Variants in SHTN1 observed in about 807,000 individuals in gnomAD.
SHTN1 encodes shootin-1.
Under a neutral mutation model 83.1 loss-of-function variants are expected in SHTN1, and 42 were observed. The ratio of observed to expected loss-of-function variants is 0.51; its 90% CI spans 0.39 to 0.65. SHTN1 has a LOEUF of 0.65. SHTN1 is among the 30% of genes least tolerant of loss of function. SHTN1 has a pLI of 0.00. For synonymous variants in SHTN1, 224 were observed against 247.7 expected, an observed-to-expected ratio of 0.90 and a Z score of 0.90; for missense variants, 622 against 737.8, an observed-to-expected ratio of 0.84 and a Z score of 1.82.
intron 11 of SHTN1, 69 bp from the exon 12 acceptor site, chr10:116,921,585 C>A: frequency 1.0e-5 from 12 of 1,148,600 alleles, no homozygotes; most frequent in Non-Finnish European, 1.4e-5. Flanking sequence ...CAGTAAAAAT[C>A]TCACTCTTTG....
At chr10:116,991,895 A>G (rs1267851560) in intron 1 of SHTN1, among the ~76,000 whole-genome samples, 1 of 152,188 alleles carries the variant, frequency 6.6e-6, no homozygotes, top group East Asian at 1.9e-4. Context: ...TAATCCCAGC[A>G]CTTTGGGAGG....
intron 1 of SHTN1, among the ~76,000 whole-genome samples, chr10:117,115,245 C>A (rs556829052): frequency 1.8e-4 from 28 of 152,314 alleles, no homozygotes; most frequent in Middle Eastern, 6.8e-3. Flanking sequence ...AGATATTTCT[C>A]TCTCTCTCCT....
chr10:117,014,127 CA>C (rs991799748), intron 2 of SHTN1, among the ~76,000 whole-genome samples: 1 of 151,954 alleles, frequency 6.6e-6, no homozygotes, highest in African/African-American at 2.4e-5. Context: ...TCATGGCTAC[CA>C]GGGGTTGAGG....
chr10:116,979,839 A>G (rs1850950634), intron 1 of SHTN1, among the ~76,000 whole-genome samples: 1 of 152,244 alleles, frequency 6.6e-6, no homozygotes, highest in African/African-American at 2.4e-5. Context: ...TGTAGAAAGT[A>G]GAGTAGGTTT....
At position 116,885,187 on chromosome 10, in the gene SHTN1, C is replaced by T. The variant is rs572717386; in HGVS notation, c.*1157G>A. 3 of 152,688 alleles carry T rather than the reference C, an allele frequency of 2.0e-5. No individual in the cohort carries two copies. The East Asian group carries it at 5.8e-4, about 30-fold the overall frequency. The allele number at this position is 152,688 out of a possible 1,614,324, so 9.5% of individuals were successfully genotyped here. ...TTCTTTTGCCCTTAGGTGAAAAACA[C>T]CTGACAGCTACATGCTGAGCCATGC... On this transcript the variant is annotated 3_prime_UTR_variant, in exon 17 of 17. Coordinates refer to ENST00000355371, the MANE Select transcript of SHTN1 (RefSeq NM_001127211.3).
At chr10:116,940,369 T>C (rs150815773) in intron 9 of SHTN1, 97 bp downstream of exon 9, 28 of 1,258,434 alleles carry the variant, frequency 2.2e-5, no homozygotes, top group Middle Eastern at 4.2e-4. Flanking sequence ...AAACAGTAAA[T>C]GACTGGACTG....
chr10:117,006,389 A>AC (rs1243610304), upstream of SHTN1, among the ~76,000 whole-genome samples: 1 of 151,738 alleles, frequency 6.6e-6, no homozygotes, highest in African/African-American at 2.4e-5. Context: ...ACACGGTGAA[A>AC]CCCCGTCTCT....
chr10:117,058,406 C>A (rs1289606419), intron 1 of SHTN1, among the ~76,000 whole-genome samples: 2 of 151,892 alleles, frequency 1.3e-5, no homozygotes, highest in East Asian at 3.9e-4. Context: ...TACAAATTGC[C>A]AATAAACACA....
chr10:116,939,444 C>G (rs560251953), intron 9 of SHTN1, among the ~76,000 whole-genome samples: 27 of 152,304 alleles, frequency 1.8e-4, no homozygotes, highest in African/African-American at 6.5e-4. Flanking sequence ...CCTGCACTTC[C>G]CGGGTGAGGC....
chr10:116,883,919 G>GA lies in SHTN1; in HGVS notation c.*2424dup, dbSNP rs568339770. ...CTTTAATTAAAATCTTATTCTTCCA[G>GA]AAAAAAAAAGAGACATTTTCTTTTT... On this transcript the variant is annotated 3_prime_UTR_variant, in exon 17 of 17. Coordinates refer to ENST00000355371, the MANE Select transcript of SHTN1 (RefSeq NM_001127211.3). 531 of 192,388 alleles carry GA rather than the reference G, an allele frequency of 2.8e-3. No homozygotes were observed. The highest frequency in any genetic ancestry group is 8.2e-3 in the South Asian group (116 of 14,226). 11.9% of individuals were successfully genotyped at this position (192,388 alleles called of 1,614,324 possible).
intron 1 of SHTN1, among the ~76,000 whole-genome samples, chr10:117,117,740 C>A (rs190780994): frequency 1.3e-5 from 2 of 152,206 alleles, no homozygotes; most frequent in Admixed American, 1.3e-4. Flanking sequence ...TAAATGCATG[C>A]ATTTACAACC....
intron 2 of SHTN1, among the ~76,000 whole-genome samples, chr10:117,039,754 G>T (rs1340854277): frequency 6.6e-6 from 1 of 151,700 alleles, no homozygotes; most frequent in African/African-American, 2.4e-5. Context: ...TCGGGAGGCT[G>T]AGGTGGGAGA....
intron 10 of SHTN1, 134 bp from the exon 11 acceptor site, chr10:116,928,025 G>A: frequency 2.1e-6 from 2 of 942,062 alleles, no homozygotes; most frequent in Non-Finnish European, 3.2e-6. Context: ...ATTTCAATAT[G>A]AAATTACAGA....
intron 1 of SHTN1, among the ~76,000 whole-genome samples, chr10:117,051,912 CAG>C (rs1354559298): frequency 6.8e-6 from 1 of 146,652 alleles, no homozygotes; most frequent in Non-Finnish European, 1.5e-5. Context: ...AAATCCTAGA[CAG>C]AATAATTAGG....
chr10:116,921,079 A>C (rs1488459437), intron 12 of SHTN1, among the ~76,000 whole-genome samples: 2 of 152,348 alleles, frequency 1.3e-5, no homozygotes, highest in Admixed American at 6.5e-5. Flanking sequence ...GGAGTAGTAC[A>C]TACTAAGTGC....
rs1158271242 is a variant in SHTN1, at chr10:116,884,283, A to AC, written c.*2060dup. 2.2e-6 allele frequency: 1 copy of AC among 458,350 alleles called. No homozygotes were observed. The highest frequency in any genetic ancestry group is 2.0e-5 in the African/African-American group (1 of 50,222). The allele number at this position is 458,350 out of a possible 1,614,324, so 28.4% of individuals were successfully genotyped here. On this transcript the variant is annotated 3_prime_UTR_variant, in exon 17 of 17. Coordinates refer to ENST00000355371, the MANE Select transcript of SHTN1 (RefSeq NM_001127211.3). ...CAGTGTCACCCCAGCCAGGGGCAAA[A>AC]CCCCCTCAAAACCAAAGTGAAAAGG...
At chr10:117,100,558 A>T (rs1853575206) in intron 1 of SHTN1, among the ~76,000 whole-genome samples, 1 of 152,188 alleles carries the variant, frequency 6.6e-6, no homozygotes, top group South Asian at 2.1e-4. Flanking sequence ...TCATATTGTT[A>T]GCAAAAATCC....
At chr10:117,027,892 A>G (rs1468137216) in intron 2 of SHTN1, among the ~76,000 whole-genome samples, 1 of 152,212 alleles carries the variant, frequency 6.6e-6, no homozygotes, top group Non-Finnish European at 1.5e-5. Flanking sequence ...AAAATGTGGA[A>G]GCACCTTTGG....
intron 1 of SHTN1, among the ~76,000 whole-genome samples, chr10:116,984,869 A>AC (rs1564914458): frequency 6.6e-6 from 1 of 152,168 alleles, no homozygotes; most frequent in Non-Finnish European, 1.5e-5. Flanking sequence ...CAAAGGCCAC[A>AC]CCCAAAGTCC....
Sources: allele counts gnomAD v4.1 joint callset (sites outside exome capture counted in the v4.1 genomes callset), GRCh38; gene constraint gnomAD v4.1.1; transcripts MANE v1.5; gene names NCBI Gene and HGNC (gene_info 2026-07-23, HGNC 2026-07-21).